AKAP6: variants seen among roughly 807,000 people sequenced by gnomAD.
AKAP6 encodes A-kinase anchor protein 6.
In AKAP6, 58 loss-of-function variants were observed where a neutral mutation model predicts 188.5. That is an observed-to-expected ratio of 0.31 (90% CI 0.25 to 0.38). The LOEUF (loss-of-function observed/expected upper bound fraction) is 0.38, where lower values mean the gene tolerates loss of function less well. Ranked by LOEUF, AKAP6 falls within the 10% of genes least tolerant of loss-of-function variation. The pLI is 1.00. For synonymous variants in AKAP6, 989 were observed against 998.6 expected (o/e 0.99, Z 0.18); for missense variants, 2,710 against 2,740.0 (o/e 0.99, Z 0.24).
At chr14:32,706,786 T>C (rs1890829124) in intron 9 of AKAP6, among the ~76,000 whole-genome samples, 1 of 152,000 alleles carries the variant, frequency 6.6e-6, no homozygotes, top group South Asian at 2.1e-4. Context: ...CCTTGATTCA[T>C]TTACATAAGA....
intron 2 of AKAP6, among the ~76,000 whole-genome samples, chr14:32,520,482 C>A (rs147608833): frequency 6.6e-6 from 1 of 152,006 alleles, no homozygotes; most frequent in Admixed American, 6.6e-5. Flanking sequence ...AGAGAAGAAT[C>A]GAATAGGCAC....
intron 1 of AKAP6, among the ~76,000 whole-genome samples, chr14:32,386,355 T>C (rs1377180605): frequency 6.6e-6 from 1 of 152,122 alleles, no homozygotes; most frequent in African/African-American, 2.4e-5. Flanking sequence ...CCCTGATCAT[T>C]AGTGATGTTG....
chr14:32,423,931 A>G (rs1024329104), intron 1 of AKAP6, among the ~76,000 whole-genome samples: 6 of 152,184 alleles, frequency 3.9e-5, no homozygotes, highest in Admixed American at 2.0e-4. Flanking sequence ...TTTTATATTT[A>G]ATGGAGTAGG....
At chr14:32,504,675 C>T (rs1956995) in intron 2 of AKAP6, among the ~76,000 whole-genome samples, 39,997 of 152,144 alleles carry the variant, frequency 0.26, 5,274 homozygotes, top group Admixed American at 0.31. Context: ...AATATACAAT[C>T]ATATCATCTT....
intron 12 of AKAP6, among the ~76,000 whole-genome samples, chr14:32,812,819 A>G (rs1257522187): frequency 6.6e-6 from 1 of 152,198 alleles, no homozygotes; most frequent in African/African-American, 2.4e-5. Flanking sequence ...GACAGTATCT[A>G]ATTCTTTGAT....
intron 11 of AKAP6, among the ~76,000 whole-genome samples, chr14:32,772,751 C>A (rs2032938500): frequency 6.6e-6 from 1 of 152,068 alleles, no homozygotes; most frequent in East Asian, 1.9e-4. Flanking sequence ...TCTTGTTTAC[C>A]CTTGTTGATT....
At chr14:32,734,875 A>G (rs1274374589) in intron 10 of AKAP6, among the ~76,000 whole-genome samples, 1 of 152,148 alleles carries the variant, frequency 6.6e-6, no homozygotes, top group Non-Finnish European at 1.5e-5. Flanking sequence ...ATGCATCATT[A>G]TAGATTTAAA....
intron 2 of AKAP6, among the ~76,000 whole-genome samples, chr14:32,480,433 C>T (rs1879283264): frequency 6.6e-6 from 1 of 152,116 alleles, no homozygotes; most frequent in Admixed American, 6.5e-5. Flanking sequence ...AAAGGACTTT[C>T]TTCTTAAAAA....
At chr14:32,387,322 T>A (rs1051684794) in intron 1 of AKAP6, among the ~76,000 whole-genome samples, 7 of 152,060 alleles carry the variant, frequency 4.6e-5, no homozygotes, top group African/African-American at 1.7e-4. Flanking sequence ...GGACTTCCAG[T>A]ACTATGTTGA....
At chr14:32,640,015 A>G (rs1887685362) in intron 7 of AKAP6, among the ~76,000 whole-genome samples, 1 of 152,170 alleles carries the variant, frequency 6.6e-6, no homozygotes, top group Non-Finnish European at 1.5e-5. Flanking sequence ...CTTAATATAG[A>G]TACATCTCAA....
At chr14:32,414,843 T>C (rs961326910) in intron 1 of AKAP6, among the ~76,000 whole-genome samples, 6 of 152,160 alleles carry the variant, frequency 3.9e-5, no homozygotes, top group Non-Finnish European at 8.8e-5. Flanking sequence ...CCCTAGCCAC[T>C]GAATGACCTT....
Position 32,352,093 on chromosome 14 carries a change from G to GTGTATGTT in AKAP6, c.-35+22688_-35+22689insATGTTTGT, listed in dbSNP as rs1555320164. On this transcript the variant is annotated intron_variant, in intron 1 of 13. Coordinates refer to ENST00000280979, the MANE Select transcript of AKAP6 (RefSeq NM_004274.5). ...ACCCTGTGTGTGTGTGTGTGTGTGT[G>GTGTATGTT]TGTGTGTGTTTGTGTGTGTGTGTGT... Among the ~76,000 whole-genome samples, 289 of 114,822 alleles carry GTGTATGTT rather than the reference G, an allele frequency of 2.5e-3. 1 individual carries two copies. The highest frequency in any genetic ancestry group is 2.9e-3 in the Non-Finnish European group (172 of 59,194). The allele number at this position is 114,822 out of a possible 152,430, so 75.3% of individuals were successfully genotyped here. A position where few individuals can be genotyped will look rare whatever the true frequency, so the allele number is the denominator to read the frequency against.
intron 5 of AKAP6, among the ~76,000 whole-genome samples, chr14:32,592,223 A>G (rs1411461849): frequency 6.6e-6 from 1 of 152,176 alleles, no homozygotes; most frequent in African/African-American, 2.4e-5. Context: ...GCACTGTCCT[A>G]GACACTGAGG....
rs947806600 is a variant in AKAP6 at position 32,826,807 on chromosome 14, C to CA, written c.*42+1995dup. ...CACATTTTACAAGCAGGGACAATGTCAAACTAGCAGCCAGCCCGTCTGCCA... is the reference window on the plus strand; with the variant it reads ...CACATTTTACAAGCAGGGACAATGTCAAAACTAGCAGCCAGCCCGTCTGCCA... On this transcript the variant is annotated intron_variant, in intron 13 of 13. Coordinates refer to ENST00000280979, the MANE Select transcript of AKAP6 (RefSeq NM_004274.5). Among the ~76,000 whole-genome samples the CA allele has an allele frequency of 1.4e-3, 208 of 152,282 alleles. 1 individual carries two copies. The highest frequency in any genetic ancestry group is 4.7e-3 in the African/African-American group (197 of 41,558).
chr14:32,369,203 G>A (rs1378206540), intron 1 of AKAP6, among the ~76,000 whole-genome samples: 1 of 152,174 alleles, frequency 6.6e-6, no homozygotes, highest in Non-Finnish European at 1.5e-5. Flanking sequence ...AAGATATGCA[G>A]TGAGGTGGAA....
In AKAP6 at chr14:32,832,565, A is replaced by C. The variant is rs1026804748; in HGVS notation, c.*2760A>C. On this transcript the variant is annotated 3_prime_UTR_variant, in exon 14 of 14. Transcript: ENST00000280979. ...AGAAGAAAAATAGCCTCAATCTCCC[A>C]CCCCATGTAGGCACTACCTCCCCAA... The C allele has an allele frequency of 6.6e-6, 1 of 152,098 alleles. No homozygotes were observed. The highest frequency in any genetic ancestry group is 1.5e-5 in the Non-Finnish European group (1 of 68,016). 9.4% of individuals were successfully genotyped at this position (152,098 alleles called of 1,614,324 possible).
At chr14:32,391,099 G>T (rs964697380) in intron 1 of AKAP6, among the ~76,000 whole-genome samples, 1 of 152,166 alleles carries the variant, frequency 6.6e-6, no homozygotes, top group East Asian at 1.9e-4. Context: ...ACTCCTCAAT[G>T]ACACAAGACC....
At chr14:32,617,517 A>G (rs561710084) in intron 7 of AKAP6, among the ~76,000 whole-genome samples, 18 of 152,348 alleles carry the variant, frequency 1.2e-4, no homozygotes, top group South Asian at 2.1e-4. Flanking sequence ...GCACACTGCA[A>G]TGCTCAGCGT....
intron 7 of AKAP6, among the ~76,000 whole-genome samples, chr14:32,640,184 A>G (rs1887694534): frequency 1.3e-5 from 2 of 152,228 alleles, no homozygotes; most frequent in South Asian, 4.2e-4. Context: ...GAAAAATAAG[A>G]TCTGTAGCTC....
Sources: allele counts gnomAD v4.1 joint callset (sites outside exome capture counted in the v4.1 genomes callset), GRCh38; gene constraint gnomAD v4.1.1; transcripts MANE v1.5; gene names NCBI Gene and HGNC (gene_info 2026-07-23, HGNC 2026-07-21).